Variants in FAM151B observed in about 807,000 individuals in gnomAD.
FAM151B encodes protein FAM151B.
Under a neutral mutation model 31.2 loss-of-function variants are expected in FAM151B, and 24 were observed. The observed-to-expected ratio is 0.77, with a 90% CI of 0.56 to 1.08. The LOEUF is 1.08. Among genes scored for constraint, FAM151B ranks in the 50% least tolerant of loss-of-function variants. FAM151B has a pLI of 0.00. For synonymous variants in FAM151B, 105 were observed against 111.4 expected (o/e 0.94, Z 0.36); for missense variants, 293 against 328.6 (o/e 0.89, Z 0.84).
At chr5:80,497,640 AG>A (rs1325924324) in intron 1 of FAM151B, among the ~76,000 whole-genome samples, 1 of 152,126 alleles carries the variant, frequency 6.6e-6, no homozygotes, top group Non-Finnish European at 1.5e-5. Flanking sequence ...TAAAAGGGTA[AG>A]GAAAACTTCT....
intron 5 of FAM151B, among the ~76,000 whole-genome samples, chr5:80,538,320 G>A (rs984448225): frequency 6.6e-6 from 1 of 151,602 alleles, no homozygotes; most frequent in Non-Finnish European, 1.5e-5. Flanking sequence ...ACCTGCTTCG[G>A]CCTCCCAAAG....
chr5:80,528,413 A>G (rs1244456963), intron 5 of FAM151B, among the ~76,000 whole-genome samples: 1 of 152,152 alleles, frequency 6.6e-6, no homozygotes, highest in Non-Finnish European at 1.5e-5. Flanking sequence ...AATAAAAGTC[A>G]GAGTGACTGA....
At chr5:80,511,585 C>T (rs1444097926) in intron 2 of FAM151B, among the ~76,000 whole-genome samples, 2 of 151,666 alleles carry the variant, frequency 1.3e-5, no homozygotes, top group Non-Finnish European at 2.9e-5. Context: ...CGTTTTTGCC[C>T]ACTATTTTAT....
At chr5:80,497,939 AAAAT>A (rs535648453) in intron 1 of FAM151B, among the ~76,000 whole-genome samples, 3 of 152,188 alleles carry the variant, frequency 2.0e-5, no homozygotes, top group Non-Finnish European at 2.9e-5. Flanking sequence ...ACTTAAATAA[AAAAT>A]AAATAAATAA....
intron 3 of FAM151B, among the ~76,000 whole-genome samples, chr5:80,515,098 A>G (rs1744364565): frequency 6.6e-6 from 1 of 152,026 alleles, no homozygotes; most frequent in Non-Finnish European, 1.5e-5. Context: ...AAAATTAGCC[A>G]GGCATGGTGG....
intron 5 of FAM151B, among the ~76,000 whole-genome samples, chr5:80,534,312 C>A (rs954740554): frequency 5.9e-4 from 89 of 151,458 alleles, no homozygotes; most frequent in African/African-American, 1.6e-3. Context: ...AAAAAAAAAA[C>A]CTACAAATCA....
chr5:80,533,100 G>A (rs866564914), intron 5 of FAM151B, among the ~76,000 whole-genome samples: 6 of 152,056 alleles, frequency 3.9e-5, no homozygotes, highest in Admixed American at 6.6e-5. Flanking sequence ...AAGCAAGGCC[G>A]AGCACTGTGG....
intron 5 of FAM151B, 119 bp downstream of exon 5, chr5:80,522,257 T>A: frequency 9.5e-7 from 1 of 1,052,304 alleles, no homozygotes; most frequent in East Asian, 2.5e-5. Flanking sequence ...AGAAAAGGAA[T>A]GAAAACTGAT....
At chr5:80,538,444 CTTTCTCTT>C (rs1447493451) in intron 5 of FAM151B, among the ~76,000 whole-genome samples, 202 of 54,276 alleles carry the variant, frequency 3.7e-3, no homozygotes, top group South Asian at 6.4e-3. Flanking sequence ...TTCTTTCTTT[CTTTCTCTT>C]TCTTTCTTTC....
At chr5:80,496,690 A>T (rs987761580) in intron 1 of FAM151B, among the ~76,000 whole-genome samples, 1 of 152,184 alleles carries the variant, frequency 6.6e-6, no homozygotes, top group Admixed American at 6.5e-5. Flanking sequence ...AAGATGTTAA[A>T]AATTGGGGAG....
At chr5:80,534,529 T>G (rs1400953075) in intron 5 of FAM151B, among the ~76,000 whole-genome samples, 1 of 152,124 alleles carries the variant, frequency 6.6e-6, no homozygotes, top group Non-Finnish European at 1.5e-5. Flanking sequence ...CAATTGATGC[T>G]GAAAAAACAT....
intron 2 of FAM151B, 68 bp from the exon 3 acceptor site, chr5:80,513,536 A>G (rs1744280895): frequency 2.1e-6 from 3 of 1,446,262 alleles, no homozygotes; most frequent in Admixed American, 4.5e-5. Context: ...AGGATACTGA[A>G]CATGGTGCCT....
chr5:80,512,371 C>A lies in FAM151B; in HGVS notation c.152-1233C>A, dbSNP rs1168182507. 2.6e-5 allele frequency among the ~76,000 whole-genome samples: 4 copies of A among 152,114 alleles called. No individual in the cohort carries two copies. The East Asian group carries it at 5.8e-4, about 22-fold the overall frequency. ...TTATATCTCTGAACTGATTAATATA[C>A]CTGGGTGTTTATGCTTGCAAAAATG... is the stretch of plus-strand genomic sequence containing the variant. On this transcript the variant is annotated intron_variant, in intron 2 of 5. Coordinates refer to ENST00000282226, the MANE Select transcript of FAM151B (RefSeq NM_205548.3).
intron 5 of FAM151B, among the ~76,000 whole-genome samples, chr5:80,534,429 G>A (rs1327733094): frequency 1.3e-5 from 2 of 152,104 alleles, no homozygotes; most frequent in Non-Finnish European, 2.9e-5. Context: ...GGATTTATCC[G>A]AGGGATGAAA....
rs1191569173 is a variant in FAM151B, at chr5:80,529,151, G to A, written c.671+7013G>A. ...CCTGAGTGACTACTGGGTACATAAC[G>A]AAATGAAGGCAGAAATAAAGATGTT... On this transcript the variant is annotated intron_variant, in intron 5 of 5. Transcript: ENST00000282226. Among the ~76,000 whole-genome samples the A allele has an allele frequency of 7.2e-5, 11 of 152,230 alleles. No homozygotes were observed. In the East Asian group the frequency reaches 1.3e-3, roughly 19 times the overall value.
At chr5:80,500,988 G>A in intron 1 of FAM151B, 5 of 636,096 alleles carry the variant, frequency 7.9e-6, no homozygotes, top group South Asian at 7.1e-5. Flanking sequence ...GAGGCGGAAT[G>A]AAGAAAAAGA....
chr5:80,505,514 C>T (rs1238257075), intron 2 of FAM151B, among the ~76,000 whole-genome samples: 1 of 151,906 alleles, frequency 6.6e-6, no homozygotes, highest in East Asian at 1.9e-4. Context: ...CCTGCCTCAG[C>T]CTCCCAAGTA....
At chr5:80,494,456 T>TTTCTTTCTTTTCTTTCTTTC (rs753640131) in intron 1 of FAM151B, among the ~76,000 whole-genome samples, 46 of 82,738 alleles carry the variant, frequency 5.6e-4, no homozygotes, top group Non-Finnish European at 6.7e-4. Context: ...TCTTTCTTTC[T>TTTCTTTCTTTTCTTTCTTTC]TTTCTTTCTT....
chr5:80,542,558 G>A lies in FAM151B; in HGVS notation c.*726G>A, dbSNP rs759047626. 6.6e-6 allele frequency: 1 copy of A among 151,614 alleles called. No homozygotes were observed. The highest frequency in any genetic ancestry group is 2.4e-5 in the African/African-American group (1 of 41,312). The allele number at this position is 151,614 out of a possible 1,614,324, so 9.4% of individuals were successfully genotyped here. A position where few individuals can be genotyped will look rare whatever the true frequency, so the allele number is the denominator to read the frequency against. On this transcript the variant is annotated 3_prime_UTR_variant, in exon 6 of 6. Coordinates refer to ENST00000282226, the MANE Select transcript of FAM151B (RefSeq NM_205548.3). ...CCTTGTTCTACTAGTAAAACTTTAT[G>A]AACTACTTTTTTCACGGCTCATTCC...
Sources: gnomAD v4.1 joint callset for allele counts (sites outside exome capture counted in the v4.1 genomes callset) on GRCh38, gnomAD v4.1.1 for gene constraint, MANE v1.5 for transcripts, NCBI Gene and HGNC (gene_info 2026-07-23, HGNC 2026-07-21) for gene names.